Variants in MYT1L observed in about 807,000 individuals in gnomAD.
The protein encoded by MYT1L is myelin transcription factor 1 like, also known as myelin transcription factor 1-like protein.
A neutral mutation model predicts 126.7 loss-of-function variants in MYT1L; 12 were observed. The ratio of observed to expected loss-of-function variants is 0.09; its 90% CI spans 0.06 to 0.15. The LOEUF is 0.15. MYT1L is among the 10% of genes least tolerant of loss of function. The pLI is 1.00. For missense variants in MYT1L, 979 were observed against 1,585.2 expected (o/e 0.62, Z 6.49); for synonymous variants, 541 against 604.2 (o/e 0.90, Z 1.53).
chr2:2,183,191 C>G (rs776194658), intron 2 of MYT1L, among the ~76,000 whole-genome samples: 1 of 152,136 alleles, frequency 6.6e-6, no homozygotes, highest in Non-Finnish European at 1.5e-5. Flanking sequence ...CAGGACCCAG[C>G]GAACCTCCTG....
intron 3 of MYT1L, among the ~76,000 whole-genome samples, chr2:2,126,209 C>G (rs185763643): frequency 6.6e-6 from 1 of 152,294 alleles, no homozygotes; most frequent in Non-Finnish European, 1.5e-5. Flanking sequence ...TCTAAGCCCA[C>G]GACTGCCTTT....
chr2:1,871,100 G>C (rs747321447), intron 18 of MYT1L, among the ~76,000 whole-genome samples: 1 of 152,236 alleles, frequency 6.6e-6, no homozygotes, highest in Non-Finnish European at 1.5e-5. Flanking sequence ...GGGCAGCTGG[G>C]TCTGAGAGTC....
At chr2:2,271,602 A>G (rs1192852103) in intron 2 of MYT1L, among the ~76,000 whole-genome samples, 2 of 152,208 alleles carry the variant, frequency 1.3e-5, no homozygotes, top group Non-Finnish European at 2.9e-5. Flanking sequence ...ACAAAGTGCC[A>G]TAGGTCAGTG....
chr2:1,938,090 C>T (rs969747958), intron 9 of MYT1L, among the ~76,000 whole-genome samples: 3 of 152,190 alleles, frequency 2.0e-5, no homozygotes, highest in South Asian at 4.1e-4. Context: ...AAGGCAGCTG[C>T]ACACACGCAA....
chr2:2,194,942 A>T (rs2092734727), intron 2 of MYT1L, among the ~76,000 whole-genome samples: 1 of 152,258 alleles, frequency 6.6e-6, no homozygotes, highest in Admixed American at 6.5e-5. Flanking sequence ...CTTCAAACTT[A>T]ACTACCTGAT....
At chr2:2,001,841 G>A (rs1011661798) in intron 4 of MYT1L, among the ~76,000 whole-genome samples, 12 of 152,128 alleles carry the variant, frequency 7.9e-5, no homozygotes, top group Non-Finnish European at 2.9e-5. Flanking sequence ...GTACCCCGGG[G>A]ATTCTTGGTT....
intron 3 of MYT1L, among the ~76,000 whole-genome samples, chr2:2,119,148 G>A (rs1001037214): frequency 4.6e-5 from 7 of 152,158 alleles, no homozygotes; most frequent in Non-Finnish European, 8.8e-5. Flanking sequence ...ACATTTTCAC[G>A]TACATTTTTC....
chr2:2,092,210 C>T (rs2076975425), intron 3 of MYT1L, among the ~76,000 whole-genome samples: 1 of 152,164 alleles, frequency 6.6e-6, no homozygotes, highest in South Asian at 2.1e-4. Context: ...GGACATAAAA[C>T]TCTTCCTTTA....
At chr2:1,928,800 G>T (rs1031150263) in intron 9 of MYT1L, among the ~76,000 whole-genome samples, 1 of 152,142 alleles carries the variant, frequency 6.6e-6, no homozygotes, top group Admixed American at 6.5e-5. Context: ...CTGATGAGTG[G>T]AGTTTGGGTC....
At chr2:1,818,738 TCTGA>T (rs1336828592) in intron 21 of MYT1L, among the ~76,000 whole-genome samples, 2 of 152,134 alleles carry the variant, frequency 1.3e-5, no homozygotes, top group African/African-American at 4.8e-5. Context: ...CATTTCTGCC[TCTGA>T]CTGTGTATCA....
intron 2 of MYT1L, among the ~76,000 whole-genome samples, chr2:2,227,305 C>G (rs529017931): frequency 1.3e-5 from 2 of 152,318 alleles, no homozygotes; most frequent in South Asian, 4.1e-4. Context: ...AGACTCACCT[C>G]TGAACCTCAG....
At chr2:1,871,384 G>C (rs2046270674) in intron 18 of MYT1L, among the ~76,000 whole-genome samples, 1 of 152,210 alleles carries the variant, frequency 6.6e-6, no homozygotes, top group Admixed American at 6.5e-5. Flanking sequence ...TCCTATCTCT[G>C]CTCCTCAGTT....
Position 1,791,890 on chromosome 2 carries a change from C to A in MYT1L, c.3538G>T (p.Ala1180Ser). 1 of 1,606,734 alleles carries A rather than the reference C, an allele frequency of 6.2e-7. No homozygotes were observed. The highest frequency in any genetic ancestry group is 1.1e-5 in the South Asian group (1 of 88,850). The change falls in exon 25 of 25, where the codon GCT (alanine) becomes TCT (serine). Residue 1180 changes from alanine (A) to serine (S), a missense_variant. Transcript: ENST00000647738. The surrounding 1 kb of genome is among the most constrained non-coding windows in gnomAD (Gnocchi z 6.0). The part of the protein sequence containing the change: ...NKALLENIKQ[A>S]VRGIQV ...GTTCAGACCTGAATTCCTCTCACAG[C>A]CTGCTTTATATTTTCCAGTAGGGCT...
chr2:2,123,727 G>C (rs539540093), intron 3 of MYT1L, among the ~76,000 whole-genome samples: 1 of 152,058 alleles, frequency 6.6e-6, no homozygotes, highest in African/African-American at 2.4e-5. Context: ...ACTTAGTCTC[G>C]GGTATTTCAT....
At chr2:2,012,430 A>G (rs1341841590) in intron 4 of MYT1L, among the ~76,000 whole-genome samples, 1 of 152,174 alleles carries the variant, frequency 6.6e-6, no homozygotes, top group Non-Finnish European at 1.5e-5. Flanking sequence ...GCAGAGGCAG[A>G]AGGTAGATTA....
At chr2:2,179,801 T>C (rs2091219202) in intron 2 of MYT1L, among the ~76,000 whole-genome samples, 1 of 152,212 alleles carries the variant, frequency 6.6e-6, no homozygotes, top group Non-Finnish European at 1.5e-5. Flanking sequence ...AGCTGCTTTG[T>C]CCTCTCCATG....
At chr2:1,976,292 T>C (rs954699268) in intron 8 of MYT1L, among the ~76,000 whole-genome samples, 4 of 152,180 alleles carry the variant, frequency 2.6e-5, no homozygotes, top group Admixed American at 6.5e-5. Flanking sequence ...TGGGCAAGAA[T>C]AGCTGTCAGG....
intron 1 of MYT1L, chr2:2,324,832 G>A (rs928249076): frequency 3.9e-5 from 6 of 152,602 alleles, no homozygotes; most frequent in Admixed American, 6.5e-5. Flanking sequence ...TCCTAAGGTG[G>A]GAGGGAACTT....
At chr2:1,876,514 C>T (rs113074290) in intron 18 of MYT1L, among the ~76,000 whole-genome samples, 1,867 of 152,214 alleles carry the variant, frequency 0.012, 11 homozygotes, top group Non-Finnish European at 0.017. Context: ...CTCCTGAGCC[C>T]GCGCCTACCC....
Sources: allele counts gnomAD v4.1 joint callset (sites outside exome capture counted in the v4.1 genomes callset), GRCh38; gene constraint gnomAD v4.1.1; non-coding constraint Gnocchi (gnomAD v3.1); transcripts MANE v1.5; gene names NCBI Gene and HGNC (gene_info 2026-07-23, HGNC 2026-07-21).